The following CXCL13 variants were observed in gnomAD, a reference collection of about 807,000 sequenced individuals.
CXCL13 encodes the protein C-X-C motif chemokine ligand 13.
A neutral mutation model predicts 12.2 loss-of-function variants in CXCL13; 7 were observed. The observed-to-expected ratio is 0.57, with a 90% CI of 0.33 to 1.07. CXCL13 has a LOEUF of 1.07. Among genes scored for constraint, CXCL13 ranks in the 50% least tolerant of loss-of-function variants. CXCL13 has a pLI of 0.04. For missense variants in CXCL13, 113 were observed against 127.4 expected (o/e 0.89, Z 0.55); for synonymous variants, 47 against 42.4 (o/e 1.11, Z -0.42).
chr4:77,611,576 T>A lies in CXCL13; in HGVS notation c.*537T>A. 2 of 397,844 alleles carry A rather than the reference T, an allele frequency of 5.0e-6. No homozygotes were observed. The highest frequency in any genetic ancestry group is 8.9e-6 in the Non-Finnish European group (2 of 225,910). 24.6% of individuals were successfully genotyped at this position (397,844 alleles called of 1,614,324 possible). Reference sequence around the variant, plus strand: ...GAATTAAGTCCTACTTTTAAAGAATTTCTTTATAAAATTTACTGTCTAAGA... The same window carrying A: ...GAATTAAGTCCTACTTTTAAAGAATATCTTTATAAAATTTACTGTCTAAGA... On this transcript the variant is annotated 3_prime_UTR_variant, in exon 4 of 4. Transcript: ENST00000682537.
chr4:77,604,295 C>G (rs939585778), upstream of CXCL13, among the ~76,000 whole-genome samples: 3 of 152,250 alleles, frequency 2.0e-5, no homozygotes, highest in African/African-American at 7.2e-5. Flanking sequence ...TAGACTTCAC[C>G]AGATCAGCAT....
chr4:77,512,225 C>T (rs1396249293), intron 1 of CXCL13, among the ~76,000 whole-genome samples: 1 of 152,174 alleles, frequency 6.6e-6, no homozygotes, highest in Non-Finnish European at 1.5e-5. Context: ...TTCATCCTGA[C>T]CATCTCTCAG....
intron 1 of CXCL13, among the ~76,000 whole-genome samples, chr4:77,552,976 T>C (rs771372403): frequency 1.3e-5 from 2 of 152,204 alleles, no homozygotes; most frequent in Non-Finnish European, 1.5e-5. Flanking sequence ...TCTATGCCCA[T>C]GAAGAGTGCG....
intron 1 of CXCL13, among the ~76,000 whole-genome samples, chr4:77,544,363 A>G (rs932555621): frequency 6.6e-6 from 1 of 152,194 alleles, no homozygotes; most frequent in Admixed American, 6.5e-5. Context: ...ACTCCCACCA[A>G]CAGTGTAAAA....
chr4:77,550,455 A>G (rs866431900), intron 1 of CXCL13, among the ~76,000 whole-genome samples: 56 of 150,320 alleles, frequency 3.7e-4, no homozygotes, highest in Admixed American at 2.2e-3. Context: ...CGGGAGCTGT[A>G]GACTGGAGCT....
chr4:77,538,730 G>A (rs951296805), intron 1 of CXCL13, among the ~76,000 whole-genome samples: 17 of 152,276 alleles, frequency 1.1e-4, no homozygotes, highest in African/African-American at 3.8e-4. Flanking sequence ...CAGTACTGGG[G>A]GAGGGGATAA....
chr4:77,530,919 T>C (rs1288338515), intron 1 of CXCL13, among the ~76,000 whole-genome samples: 3 of 151,990 alleles, frequency 2.0e-5, no homozygotes, highest in African/African-American at 7.2e-5. Flanking sequence ...TTTAGTGCTA[T>C]AAATTTCCCT....
At chr4:77,604,347 CCTT>C (rs1297044086), upstream of CXCL13, among the ~76,000 whole-genome samples, 7 of 152,192 alleles carry the variant, frequency 4.6e-5, no homozygotes, top group African/African-American at 1.7e-4. Context: ...CCTCCTTCCT[CCTT>C]CTGTCTATCG....
chr4:77,576,027 TCA>T (rs2109821670), intron 1 of CXCL13, among the ~76,000 whole-genome samples: 1 of 151,956 alleles, frequency 6.6e-6, no homozygotes, highest in Non-Finnish European at 1.5e-5. Flanking sequence ...ATTTTGCTAC[TCA>T]CAGAAAATTG....
intron 1 of CXCL13, among the ~76,000 whole-genome samples, chr4:77,518,623 C>T (rs961568438): frequency 8.5e-5 from 13 of 152,168 alleles, no homozygotes; most frequent in African/African-American, 2.4e-4. Flanking sequence ...ACGTCGTTCT[C>T]GAGCCTTGGC....
intron 1 of CXCL13, among the ~76,000 whole-genome samples, chr4:77,537,355 G>A (rs762781361): frequency 6.6e-6 from 1 of 152,154 alleles, no homozygotes; most frequent in Admixed American, 6.6e-5. Context: ...TAAGGAGCAA[G>A]CCAGGGGAAA....
chr4:77,586,498 C>T (rs1318035872), intron 1 of CXCL13, among the ~76,000 whole-genome samples: 2 of 152,154 alleles, frequency 1.3e-5, no homozygotes, highest in Admixed American at 1.3e-4. Context: ...AGGGACCTAA[C>T]AAAACAGGCA....
chr4:77,541,524 G>A (rs1280148641), intron 1 of CXCL13, among the ~76,000 whole-genome samples: 1 of 152,106 alleles, frequency 6.6e-6, no homozygotes, highest in Non-Finnish European at 1.5e-5. Flanking sequence ...ATGGCTGTAG[G>A]CGTATGGCTT....
At chr4:77,561,529 G>T (rs146101053) in intron 1 of CXCL13, among the ~76,000 whole-genome samples, 2 of 152,192 alleles carry the variant, frequency 1.3e-5, no homozygotes, top group African/African-American at 2.4e-5. Flanking sequence ...AGCCAAGATC[G>T]TTCTGCTTAT....
intron 1 of CXCL13, among the ~76,000 whole-genome samples, chr4:77,578,729 C>G (rs1726249754): frequency 6.6e-6 from 1 of 152,122 alleles, no homozygotes; most frequent in Non-Finnish European, 1.5e-5. Context: ...TGTCCATGTG[C>G]CTAATCTTTC....
At chr4:77,517,963 G>C (rs6829760) in intron 1 of CXCL13, among the ~76,000 whole-genome samples, 1 of 152,142 alleles carries the variant, frequency 6.6e-6, no homozygotes, top group African/African-American at 2.4e-5. Flanking sequence ...TCCTTTCCAC[G>C]TTTAGTGCTT....
At chr4:77,560,060 C>CT (rs11309077) in intron 1 of CXCL13, among the ~76,000 whole-genome samples, 20 of 151,166 alleles carry the variant, frequency 1.3e-4, no homozygotes, top group African/African-American at 2.7e-4. Flanking sequence ...CTTTCTTTTT[C>CT]TTTTTTTTGT....
At chr4:77,553,346 C>T (rs1725579052) in intron 1 of CXCL13, among the ~76,000 whole-genome samples, 1 of 152,230 alleles carries the variant, frequency 6.6e-6, no homozygotes, top group South Asian at 2.1e-4. Context: ...TCCTGAGCAG[C>T]CATGCTGCTG....
intron 1 of CXCL13, among the ~76,000 whole-genome samples, chr4:77,555,145 G>C (rs2109809208): frequency 6.6e-6 from 1 of 151,892 alleles, no homozygotes; most frequent in African/African-American, 2.4e-5. Context: ...GAAACCAAAA[G>C]CAGATTCTTT....
Sources: allele counts gnomAD v4.1 joint callset (sites outside exome capture counted in the v4.1 genomes callset), GRCh38; gene constraint gnomAD v4.1.1; transcripts MANE v1.5; gene names NCBI Gene and HGNC (gene_info 2026-07-23, HGNC 2026-07-21).